The following SLCO5A1 variants were observed in gnomAD, a reference collection of about 807,000 sequenced individuals.
SLCO5A1 encodes the protein solute carrier organic anion transporter family member 5A1, also known as organic anion transporter polypeptide-related protein 4.
In SLCO5A1, 39 loss-of-function variants were observed where a neutral mutation model predicts 65.1. The ratio of observed to expected loss-of-function variants is 0.60; its 90% confidence interval spans 0.46 to 0.78. The LOEUF is 0.78. SLCO5A1 is among the 30% of genes least tolerant of loss of function. SLCO5A1 has a pLI of 0.00. For missense variants in SLCO5A1, 1,029 were observed against 1,069.4 expected, an observed-to-expected ratio of 0.96 and a Z score of 0.53; for synonymous variants, 438 against 415.7, an observed-to-expected ratio of 1.05 and a Z score of -0.65.
At chr8:69,820,644 C>A (rs1820591851) in intron 2 of SLCO5A1, among the ~76,000 whole-genome samples, 1 of 151,286 alleles carries the variant, frequency 6.6e-6, no homozygotes, top group African/African-American at 2.4e-5. Context: ...CCAGCCTGGG[C>A]AACATAATGA....
chr8:69,800,286 C>T (rs1486941653), intron 2 of SLCO5A1, among the ~76,000 whole-genome samples: 3 of 133,288 alleles, frequency 2.3e-5, no homozygotes, highest in Non-Finnish European at 3.1e-5. Flanking sequence ...CAAGGTCTTG[C>T]CCTGTCACTC....
At chr8:69,739,989 A>AT (rs1816727826) in intron 4 of SLCO5A1, among the ~76,000 whole-genome samples, 1 of 152,254 alleles carries the variant, frequency 6.6e-6, no homozygotes, top group African/African-American at 2.4e-5. Context: ...GTAACATACT[A>AT]TCACATGACT....
chr8:69,791,030 G>A (rs1394152330), intron 2 of SLCO5A1, among the ~76,000 whole-genome samples: 1 of 152,166 alleles, frequency 6.6e-6, no homozygotes, highest in East Asian at 1.9e-4. Context: ...AAGGAAAGGA[G>A]GGAGGAATGG....
chr8:69,675,475 C>A (rs1028947471), intron 9 of SLCO5A1, among the ~76,000 whole-genome samples: 2 of 152,144 alleles, frequency 1.3e-5, no homozygotes, highest in African/African-American at 4.8e-5. Context: ...TGCACCCGGC[C>A]TAAGGCAGAC....
chr8:69,834,381 G>A (rs1292870012), intron 1 of SLCO5A1, among the ~76,000 whole-genome samples: 2 of 152,228 alleles, frequency 1.3e-5, no homozygotes, highest in African/African-American at 4.8e-5. Context: ...GGGCAAGGGA[G>A]AAAGGCAGAG....
chr8:69,736,906 T>C (rs1816583399), intron 5 of SLCO5A1, among the ~76,000 whole-genome samples: 1 of 152,172 alleles, frequency 6.6e-6, no homozygotes, highest in Non-Finnish European at 1.5e-5. Flanking sequence ...AAAGGGTTAG[T>C]GGAAGAGTTA....
chr8:69,772,146 T>A (rs1054577251), intron 2 of SLCO5A1, among the ~76,000 whole-genome samples: 2 of 152,188 alleles, frequency 1.3e-5, no homozygotes, highest in African/African-American at 4.8e-5. Flanking sequence ...AACAGCGTTG[T>A]TCCATGGGAT....
At chr8:69,734,515 C>G (rs1252910982) in intron 5 of SLCO5A1, among the ~76,000 whole-genome samples, 1 of 152,180 alleles carries the variant, frequency 6.6e-6, no homozygotes, top group East Asian at 1.9e-4. Context: ...TAAGTTTTCT[C>G]TCTCCTCTTA....
intron 3 of SLCO5A1, among the ~76,000 whole-genome samples, chr8:69,759,431 G>T (rs73287503): frequency 0.013 from 1,945 of 152,204 alleles, 43 homozygotes; most frequent in African/African-American, 0.044. Flanking sequence ...ATACTGTACA[G>T]CAGGAACAAC....
At chr8:69,828,627 GA>G (rs1157808316) in intron 2 of SLCO5A1, among the ~76,000 whole-genome samples, 1 of 151,320 alleles carries the variant, frequency 6.6e-6, no homozygotes, top group Non-Finnish European at 1.5e-5. Flanking sequence ...GAAAAGAAAA[GA>G]AGGAGGAAAG....
At chr8:69,769,443 C>G (rs901834058) in intron 2 of SLCO5A1, among the ~76,000 whole-genome samples, 1 of 152,150 alleles carries the variant, frequency 6.6e-6, no homozygotes, top group Non-Finnish European at 1.5e-5. Context: ...CAGACCCCAG[C>G]CCCCACACCT....
At chr8:69,765,140 ATATG>A (rs1817998353) in intron 2 of SLCO5A1, among the ~76,000 whole-genome samples, 1 of 152,104 alleles carries the variant, frequency 6.6e-6, no homozygotes. Context: ...GTGTGTATAT[ATATG>A]TATGTATACG....
At chr8:69,690,800 T>A (rs1814227827) in intron 6 of SLCO5A1, among the ~76,000 whole-genome samples, 2 of 152,184 alleles carry the variant, frequency 1.3e-5, no homozygotes. Flanking sequence ...TCCTGGTCAT[T>A]TGGTAGCTCA....
At chr8:69,681,477 C>T (rs961343833) in intron 7 of SLCO5A1, among the ~76,000 whole-genome samples, 5 of 152,106 alleles carry the variant, frequency 3.3e-5, no homozygotes, top group African/African-American at 1.2e-4. Flanking sequence ...CCTATAATCC[C>T]AACTACTAGG....
At chr8:69,706,131 G>C (rs149526765) in intron 5 of SLCO5A1, among the ~76,000 whole-genome samples, 4 of 152,240 alleles carry the variant, frequency 2.6e-5, no homozygotes, top group Non-Finnish European at 5.9e-5. Flanking sequence ...ACACAACTTC[G>C]TATGAAGAAT....
At chr8:69,758,891 T>G (rs1817638612) in intron 3 of SLCO5A1, among the ~76,000 whole-genome samples, 1 of 152,168 alleles carries the variant, frequency 6.6e-6, no homozygotes, top group Non-Finnish European at 1.5e-5. Flanking sequence ...AGGGGGCCAG[T>G]TAAGAGAGTG....
rs556874013 is a variant in SLCO5A1 at position 69,710,804 on chromosome 8, T to C, written c.1424-5575A>G. Among the ~76,000 whole-genome samples, 5 of 152,160 alleles carry C rather than the reference T, an allele frequency of 3.3e-5. No individual in the cohort carries two copies. The South Asian group carries it at 1.0e-3, about 32-fold the overall frequency. On this transcript the variant is annotated intron_variant, in intron 5 of 9. Coordinates refer to ENST00000260126, the MANE Select transcript of SLCO5A1 (RefSeq NM_030958.3). ...AAATATGAGGGCACACCAAACAGAG[T>C]GAAGACCCATGAAAATGTTCTTCGG...
rs1296909022 is a variant in SLCO5A1 at position 69,832,052 on chromosome 8, C to G, written c.622G>C (p.Gly208Arg). Residue 208 changes from glycine (G) to arginine (R), a missense_variant, in exon 2 of 10, where the codon GGG (glycine) becomes CGG (arginine). This residue lies in a region of SLCO5A1 where 647 missense variants were observed against 647.5 expected (regional missense o/e 1.00). Coordinates refer to ENST00000260126, the MANE Select transcript of SLCO5A1 (RefSeq NM_030958.3). The surrounding 1 kb of genome is among the most constrained non-coding windows in gnomAD (Gnocchi z 4.5). The part of the protein sequence containing the change: ...LAVGGLLIAF[G>R]AALFALPHFI... ...TGAGGTAAGGCGAAGAGGGCTGCCC[C>G]GAAGGCGATGAGGAGTCCACCCACG... The G allele has an allele frequency of 6.2e-7, 1 of 1,612,362 alleles. No individual in the cohort carries two copies. Among genetic ancestry groups the G allele is most frequent in the East Asian group, 2.2e-5 (1 of 44,858 alleles).
chr8:69,832,535 G>C lies in SLCO5A1; in HGVS notation c.139C>G (p.Arg47Gly), dbSNP rs1175948038. The C allele has an allele frequency of 6.2e-7, 1 of 1,607,678 alleles. No homozygotes were observed. The highest frequency in any genetic ancestry group is 8.5e-7 in the Non-Finnish European group (1 of 1,177,294). ...CCACTAGTGGGACTGAGGCTTGGCC[G>C]GCAGGAGGCGCTGCTGAGGACCGGT... is the stretch of plus-strand genomic sequence containing the variant. ...SLPVLSSASC[R>G]PSLSPTSGDA... The change falls in exon 2 of 10, where the codon CGG becomes GGG. Residue 47 changes from arginine to glycine, a missense_variant. Arg to Gly is a moderately radical substitution (Grantham distance 125, BLOSUM62 -2). This residue lies in a region of SLCO5A1 where 647 missense variants were observed against 647.5 expected (regional missense o/e 1.00). Transcript: ENST00000260126. This position sits in a 1 kb window ranked among gnomAD's most constrained non-coding sequence, Gnocchi z 4.5.
Sources: gnomAD v4.1 joint callset for allele counts (sites outside exome capture counted in the v4.1 genomes callset) on GRCh38, gnomAD v4.1.1 for gene constraint, gnomAD v4.1.1 regional missense constraint, Gnocchi (gnomAD v3.1) non-coding constraint, MANE v1.5 for transcripts, NCBI Gene and HGNC (gene_info 2026-07-23, HGNC 2026-07-21) for gene names.